ROBO3: variants seen among roughly 807,000 people sequenced by gnomAD.
ROBO3 encodes roundabout homolog 3.
In ROBO3, 97 loss-of-function variants were observed where a neutral mutation model predicts 160.5. The ratio of observed to expected loss-of-function variants is 0.60; its 90% CI spans 0.51 to 0.72. The LOEUF is 0.72. ROBO3 is among the 30% of genes least tolerant of loss of function. The probability of loss-of-function intolerance (pLI) is 0.00; values close to 1 mark genes in which losing one functional copy is unlikely to be tolerated. For synonymous variants in ROBO3, 780 were observed against 746.2 expected, an observed-to-expected ratio of 1.05 and a Z score of -0.74; for missense variants, 1,858 against 1,846.5, an observed-to-expected ratio of 1.01 and a Z score of -0.11.
chr11:124,877,495 C>G (rs1410370704), intron 19 of ROBO3, 24 bp from the exon 20 acceptor site: 15 of 1,599,982 alleles, frequency 9.4e-6, no homozygotes, highest in Non-Finnish European at 1.2e-5. Context: ...TCTCCGTCCC[C>G]AACGCTCACC....
rs780712603 is a variant in ROBO3, at chr11:124,879,356, C to A, written c.3685+15C>A. 1.7e-5 allele frequency: 28 copies of A among 1,607,086 alleles called. No homozygotes were observed. In the Admixed American group the frequency reaches 4.5e-4, roughly 26 times the overall value. The stretch of plus-strand genomic sequence containing the variant: ...CAGTGCCCCAGGTAAGTCTCTACAA[C>A]CTCCTTTTGCCCCCCGGCTCCCTCC... On this transcript the variant is annotated intron_variant, in intron 24 of 27. Coordinates refer to ENST00000397801, the MANE Select transcript of ROBO3 (RefSeq NM_022370.4).
At chr11:124,874,269 A>C in intron 12 of ROBO3, 33 bp downstream of exon 12, 1 of 1,586,668 alleles carries the variant, frequency 6.3e-7, no homozygotes, top group South Asian at 1.1e-5. Flanking sequence ...CATGAGCATG[A>C]AATGTAACAT....
rs1450805613 is a variant in ROBO3 at position 124,879,521 on chromosome 11, C to A, written c.3742C>A (p.Arg1248=). The A allele has an allele frequency of 6.2e-7, 1 of 1,613,858 alleles. No homozygotes were observed. The highest frequency in any genetic ancestry group is 8.5e-7 in the Non-Finnish European group (1 of 1,179,862). ...TCCCCCACTTCAAGGACCCCGTGCT[C>A]GATTCCGGAAGAAACCCAAGGCTCT... The part of the protein sequence containing the change: ...MTPPLQGPRA[R]FRKKPKALPY... Residue 1248 remains arginine, a synonymous_variant, in exon 25 of 28, where the codon CGA becomes AGA. Coordinates refer to ENST00000397801, the MANE Select transcript of ROBO3 (RefSeq NM_022370.4).
rs996899033 is a variant in ROBO3, at chr11:124,877,141, C to T, written c.2780-20C>T. ...TCCTCATTTCACCTCTTCTTTCTCC[C>T]ACGGGTTCCTTTCTGGAAGCCTCTT... On this transcript the variant is annotated intron_variant, in intron 17 of 27. Transcript: ENST00000397801. The T allele has an allele frequency of 2.5e-6, 4 of 1,613,594 alleles. No individual in the cohort carries two copies. The African/African-American group carries it at 4.0e-5, about 16-fold the overall frequency.
rs1256318810 is a variant in ROBO3, at chr11:124,870,267, G to A, written c.869G>A (p.Arg290His). 9 of 1,613,878 alleles carry A rather than the reference G, an allele frequency of 5.6e-6. No individual in the cohort carries two copies. The highest frequency in any genetic ancestry group is 2.7e-5 in the African/African-American group (2 of 74,926). Residue 290 changes from arginine (R) to histidine (H), a missense_variant, in exon 5 of 28, where the codon CGC (arginine) becomes CAC (histidine). Transcript: ENST00000397801. ...AAGGGGGATCCCCCACCTCGTCTAC[G>A]CTGGCGCAAGGAGGATGGGGAACTG... ...EVKGDPPPRL[R>H]WRKEDGELPT... is the part of the protein sequence containing the mutation.
At position 124,876,495 on chromosome 11, in the gene ROBO3, A is replaced by T; in HGVS notation, c.2779+35A>T. 7.4e-7 allele frequency: 1 copy of T among 1,351,842 alleles called. No homozygotes were observed. Among genetic ancestry groups the T allele is most frequent in the Non-Finnish European group, 9.5e-7 (1 of 1,057,072 alleles). The allele number at this position is 1,351,842 out of a possible 1,614,324, so 83.7% of individuals were successfully genotyped here. A position where few individuals can be genotyped will look rare whatever the true frequency, so the allele number is the denominator to read the frequency against. ...CGGCCTCGGAGCGGACGGATCCGGG[A>T]GGGAGCCAGGCGGCCCATGGGGAGG... On this transcript the variant is annotated intron_variant, in intron 17 of 27. Coordinates refer to ENST00000397801, the MANE Select transcript of ROBO3 (RefSeq NM_022370.4). This position sits in a 1 kb window ranked among gnomAD's most constrained non-coding sequence, Gnocchi z 5.3.
rs767759599 is a variant in ROBO3 at position 124,875,440 on chromosome 11, G to C, written c.2299+104G>C. Reference sequence around the variant, plus strand: ...TGCAGGAGGAGAGCAGGGTGAGTGGGTGGGAAGGAGGAATGGCTCTCAGTT... The same window carrying C: ...TGCAGGAGGAGAGCAGGGTGAGTGGCTGGGAAGGAGGAATGGCTCTCAGTT... On this transcript the variant is annotated intron_variant, in intron 14 of 27. Coordinates refer to ENST00000397801, the MANE Select transcript of ROBO3 (RefSeq NM_022370.4). 5.6e-4 allele frequency: 892 copies of C among 1,580,006 alleles called. 1 individual carries two copies. The highest frequency in any genetic ancestry group is 7.1e-4 in the South Asian group (63 of 88,196).
chr11:124,868,883 C>T lies in ROBO3; in HGVS notation c.242C>T (p.Ala81Val). Reference sequence around the variant, plus strand: ...CTGCTGGTCTCCCGAGGCGAGCCCGCCACGTTGCCCTGCCGCGCTGAAGGC... The same window carrying T: ...CTGCTGGTCTCCCGAGGCGAGCCCGTCACGTTGCCCTGCCGCGCTGAAGGC... ...PDLLVSRGEP[A>V]TLPCRAEGRP... Residue 81 changes from alanine to valine, a missense_variant, in exon 2 of 28, where the codon GCC (alanine) becomes GTC (valine). Transcript: ENST00000397801. The T allele has an allele frequency of 1.9e-6, 3 of 1,608,350 alleles. No homozygotes were observed. The highest frequency in any genetic ancestry group is 2.2e-5 in the South Asian group (2 of 89,894).
At chr11:124,867,800 G>T (rs1023475936) in intron 1 of ROBO3, among the ~76,000 whole-genome samples, 13 of 151,532 alleles carry the variant, frequency 8.6e-5, no homozygotes, top group Non-Finnish European at 1.6e-4. Context: ...AGGGGGAGGG[G>T]GCAGGGGGCA....
Position 124,873,761 on chromosome 11 carries a change from G to A in ROBO3, c.1683G>A (p.Gln561=), listed in dbSNP as rs1366390726. 1 of 1,613,882 alleles carries A rather than the reference G, an allele frequency of 6.2e-7. No homozygotes were observed. The highest frequency in any genetic ancestry group is 8.5e-7 in the Non-Finnish European group (1 of 1,179,840). The part of the protein sequence containing the change: ...EPSSPPGAPS[Q]PVVTEITKNS... ...GTTCCCCTCCGGGGGCTCCCTCTCA[G>A]CCAGTGGTCACTGAGATCACCAAGA... The change falls in exon 11 of 28, where the codon CAG becomes CAA. Residue 561 remains glutamine (Q), a synonymous_variant. Coordinates refer to ENST00000397801, the MANE Select transcript of ROBO3 (RefSeq NM_022370.4). The surrounding 1 kb of genome is among the most constrained non-coding windows in gnomAD (Gnocchi z 4.5).
rs775602130 is a variant in ROBO3 at position 124,873,748 on chromosome 11, G to A, written c.1670G>A (p.Gly557Glu). ...DPPTEPSSPP[G>E]APSQPVVTEI... The stretch of plus-strand genomic sequence containing the variant: ...CCTACAGAACCCAGTTCCCCTCCGG[G>A]GGCTCCCTCTCAGCCAGTGGTCACT... Residue 557 changes from glycine to glutamate, a missense_variant, in exon 11 of 28, where the codon GGG becomes GAG. Coordinates refer to ENST00000397801, the MANE Select transcript of ROBO3 (RefSeq NM_022370.4). This position sits in a 1 kb window ranked among gnomAD's most constrained non-coding sequence, Gnocchi z 4.5. 6.2e-7 allele frequency: 1 copy of A among 1,613,868 alleles called. No individual in the cohort carries two copies. The highest frequency in any genetic ancestry group is 8.5e-7 in the Non-Finnish European group (1 of 1,179,850).
rs776462777 is a variant in ROBO3 at position 124,872,965 on chromosome 11, C to T, written c.1412C>T (p.Pro471Leu). ...TLVLGSSVWL[P>L]CRVTGNPQPS... ...GTGCTTGGCTCCTCCGTGTGGCTGC[C>T]CTGCAGAGTGACTGGGAACCCTCAA... The change falls in exon 9 of 28, where the codon CCC becomes CTC. Residue 471 changes from proline (P) to leucine (L), a missense_variant. Coordinates refer to ENST00000397801, the MANE Select transcript of ROBO3 (RefSeq NM_022370.4). This position sits in a 1 kb window ranked among gnomAD's most constrained non-coding sequence, Gnocchi z 4.3. 10 of 1,613,298 alleles carry T rather than the reference C, an allele frequency of 6.2e-6. No individual in the cohort carries two copies. In the East Asian group the frequency reaches 1.3e-4, roughly 22 times the overall value.
intron 4 of ROBO3, 39 bp downstream of exon 4, chr11:124,870,107 C>G (rs2135326375): frequency 6.2e-7 from 1 of 1,613,976 alleles, no homozygotes; most frequent in Non-Finnish European, 8.5e-7. Context: ...GAACAGGTAG[C>G]CTGCAGAGTA....
rs1946457406 is a variant in ROBO3 at position 124,878,329 on chromosome 11, G to T, written c.3213G>T (p.Gly1071=). Residue 1071 remains glycine (G), a synonymous_variant, in exon 22 of 28, where the codon GGG becomes GGT. Transcript: ENST00000397801. The surrounding 1 kb of genome is among the most constrained non-coding windows in gnomAD (Gnocchi z 4.3). ...GAKGGKVKLL[G]KPVQMPSLNW... is the part of the protein sequence containing the mutation. ...AGGGAGGCAAAGTGAAGCTTCTGGG[G>T]AAACCTGTGCAGATGCCCTCTCTGA... 6.2e-7 allele frequency: 1 copy of T among 1,613,586 alleles called. No individual in the cohort carries two copies. The highest frequency in any genetic ancestry group is 1.3e-5 in the African/African-American group (1 of 74,916).
rs1293015393 is a variant in ROBO3 at position 124,877,276 on chromosome 11, C to T, written c.2813C>T (p.Pro938Leu). ...SFAYTPAVSF[P>L]HSEGLSGASS... is the part of the protein sequence containing the mutation. ...CCCTCATTTTCCCCAGTGTCCTTCC[C>T]GCACTCAGAGGGCCTCTCTGGAGCC... is the stretch of plus-strand genomic sequence containing the variant. Residue 938 changes from proline (P) to leucine (L), a missense_variant, in exon 19 of 28, where the codon CCG becomes CTG. Coordinates refer to ENST00000397801, the MANE Select transcript of ROBO3 (RefSeq NM_022370.4). 21 of 1,613,840 alleles carry T rather than the reference C, an allele frequency of 1.3e-5. No individual in the cohort carries two copies. Among genetic ancestry groups the T allele is most frequent in the Non-Finnish European group, 1.5e-5 (18 of 1,179,880 alleles).
At chr11:124,875,466 C>T in intron 14 of ROBO3, 98 bp from the exon 15 acceptor site, 1 of 1,581,796 alleles carries the variant, frequency 6.3e-7, no homozygotes, top group South Asian at 1.1e-5. Context: ...GCTCTCAGTT[C>T]CCTAAGATGT....
chr11:124,868,826 C>T lies in ROBO3; in HGVS notation c.185C>T (p.Ala62Val), dbSNP rs1454598411. Residue 62 changes from alanine (A) to valine (V), a missense_variant, in exon 2 of 28, where the codon GCT (alanine) becomes GTT (valine). Transcript: ENST00000397801. ...LNGSRVGPED[A>V]MPRIVEQPPD... is the part of the protein sequence containing the mutation. ...GGGTCAAGGGTAGGACCGGAGGACG[C>T]TATGCCCCGCATCGTGGAGCAGCCG... 11 of 1,609,908 alleles carry T rather than the reference C, an allele frequency of 6.8e-6. No individual in the cohort carries two copies. The highest frequency in any genetic ancestry group is 9.3e-6 in the Non-Finnish European group (11 of 1,178,650).
In ROBO3 at chr11:124,876,892, C is replaced by T; in HGVS notation, c.2780-269C>T. 1 of 584,824 alleles carries T rather than the reference C, an allele frequency of 1.7e-6. No homozygotes were observed. Among genetic ancestry groups the T allele is most frequent in the African/African-American group, 1.9e-5 (1 of 53,632 alleles). The allele number at this position is 584,824 out of a possible 1,614,324, so 36.2% of individuals were successfully genotyped here. A position where few individuals can be genotyped will look rare whatever the true frequency, so the allele number is the denominator to read the frequency against. On this transcript the variant is annotated intron_variant, in intron 17 of 27. Coordinates refer to ENST00000397801, the MANE Select transcript of ROBO3 (RefSeq NM_022370.4). The surrounding 1 kb of genome is among the most constrained non-coding windows in gnomAD (Gnocchi z 5.3). ...AAGGCGATCCGAGTTCTGCTACTTC[C>T]TAGTAAGGGACGTCTCTGGAGAGAT... is the stretch of plus-strand genomic sequence containing the variant.
intron 1 of ROBO3, among the ~76,000 whole-genome samples, chr11:124,867,310 AT>A (rs1486585483): frequency 7.2e-5 from 11 of 152,216 alleles, no homozygotes; most frequent in African/African-American, 2.2e-4. Context: ...CTTTACATAC[AT>A]TATGGTCTTA....
Sources: gnomAD v4.1 joint callset for allele counts (sites outside exome capture counted in the v4.1 genomes callset) on GRCh38, gnomAD v4.1.1 for gene constraint, Gnocchi (gnomAD v3.1) non-coding constraint, MANE v1.5 for transcripts, NCBI Gene and HGNC (gene_info 2026-07-23, HGNC 2026-07-21) for gene names.